The following TRAPPC12 variants were observed in gnomAD, a reference collection of about 807,000 sequenced individuals.
TRAPPC12 encodes TPR repeat protein 15.
A neutral mutation model predicts 69.2 loss-of-function variants in TRAPPC12; 61 were observed. The observed-to-expected ratio is 0.88, with a 90% CI of 0.72 to 1.09. The LOEUF is 1.09. Among genes scored for constraint, TRAPPC12 ranks in the 50% least tolerant of loss-of-function variants. The pLI, the probability that TRAPPC12 is intolerant of heterozygous loss-of-function variation, is 0.00. For synonymous variants in TRAPPC12, 469 were observed against 438.9 expected (o/e 1.07, Z -0.86); for missense variants, 1,101 against 1,016.4 (o/e 1.08, Z -1.13).
At position 3,443,783 on chromosome 2, in the gene TRAPPC12, C is replaced by T; in HGVS notation, c.1422C>T (p.Ser474=). ...YPHVYPGRRG[S]MVPFSMRILH... ...TCAGCACTGATTGGATTCCAGGCTCCATGGTCCCCTTCTCGATGCGCATCT... is the reference window on the plus strand; with the variant it reads ...TCAGCACTGATTGGATTCCAGGCTCTATGGTCCCCTTCTCGATGCGCATCT... The change falls in exon 6 of 12, where the codon TCC becomes TCT. Residue 474 remains serine, a synonymous_variant. Transcript: ENST00000324266. The T allele has an allele frequency of 6.2e-7, 1 of 1,613,988 alleles. No individual in the cohort carries two copies.
At chr2:3,383,965 G>A (rs182387158) in intron 1 of TRAPPC12, among the ~76,000 whole-genome samples, 88 of 133,252 alleles carry the variant, frequency 6.6e-4, no homozygotes, top group East Asian at 2.6e-3. Context: ...GTGCGATCTC[G>A]GCTCACTGCA....
rs1438239855 is a variant in TRAPPC12 at position 3,414,520 on chromosome 2, T to C, written c.1165-7361T>C. ...CTCTAGCTCCAGCTCCAGCTCAGCCTCACCCCCACCATCCCCCTGACCCCA... is the reference window on the plus strand; with the variant it reads ...CTCTAGCTCCAGCTCCAGCTCAGCCCCACCCCCACCATCCCCCTGACCCCA... On this transcript the variant is annotated intron_variant, in intron 3 of 11. Transcript: ENST00000324266. The surrounding 1 kb of genome is among the most constrained non-coding windows in gnomAD (Gnocchi z 4.9). Among the ~76,000 whole-genome samples, 2 of 151,812 alleles carry C rather than the reference T, an allele frequency of 1.3e-5. No individual in the cohort carries two copies. Among genetic ancestry groups the C allele is most frequent in the African/African-American group, 4.8e-5 (2 of 41,304 alleles).
At chr2:3,442,152 C>G (rs201174395) in intron 5 of TRAPPC12, among the ~76,000 whole-genome samples, 1 of 91,976 alleles carries the variant, frequency 1.1e-5, no homozygotes, top group East Asian at 4.8e-4. Flanking sequence ...CTAGTCTGTA[C>G]GTTGAGATCG....
intron 7 of TRAPPC12, chr2:3,457,927 G>GA: frequency 7.1e-7 from 1 of 1,402,144 alleles, no homozygotes; most frequent in South Asian, 1.6e-5. Context: ...GAGAAGACAC[G>GA]CCTTCACCAC....
intron 2 of TRAPPC12, among the ~76,000 whole-genome samples, chr2:3,399,085 C>T (rs985166121): frequency 3.3e-5 from 5 of 152,256 alleles, no homozygotes; most frequent in Non-Finnish European, 5.9e-5. Context: ...TGTCCTAAGA[C>T]GCTTGTCACA....
chr2:3,464,003 C>T (rs1305704993), intron 8 of TRAPPC12, among the ~76,000 whole-genome samples: 3 of 152,162 alleles, frequency 2.0e-5, no homozygotes, highest in Non-Finnish European at 4.4e-5. Flanking sequence ...AGATCAGGGC[C>T]AGCCCAGGGT....
Position 3,421,957 on chromosome 2 carries a change from G to A in TRAPPC12, c.1241G>A (p.Ser414Asn). The A allele has an allele frequency of 6.2e-7, 1 of 1,613,584 alleles. No individual in the cohort carries two copies. Among genetic ancestry groups the A allele is most frequent in the South Asian group, 1.1e-5 (1 of 91,028 alleles). Residue 414 changes from serine (S) to asparagine (N), a missense_variant, in exon 4 of 12, where the codon AGC becomes AAC. Transcript: ENST00000324266. Reference protein sequence around the residue: ...LTAHGQGYGKSGLLTSHTTDS... With the variant: ...LTAHGQGYGKNGLLTSHTTDS... ...GCCCACGGCCAGGGCTACGGCAAGA[G>A]CGGGCTGCTCACCAGCCACACGACA...
chr2:3,423,322 TTGTGTGTGTGTGTGTGTG>T (rs34767789), intron 4 of TRAPPC12, among the ~76,000 whole-genome samples: 3 of 149,082 alleles, frequency 2.0e-5, no homozygotes, highest in African/African-American at 7.4e-5. Flanking sequence ...TCGCATGCCT[TTGTGTGTGTGTGTGTGTG>T]TGTGTGTGTG....
At chr2:3,457,543 C>A in intron 6 of TRAPPC12, 78 bp from the exon 7 acceptor site, 1 of 1,178,808 alleles carries the variant, frequency 8.5e-7, no homozygotes, top group Non-Finnish European at 1.2e-6. Context: ...ATTTGCTGTA[C>A]TGAGATTATA....
In TRAPPC12 at chr2:3,441,421, A is replaced by G. The variant is rs137930258; in HGVS notation, c.1418-2358A>G. On this transcript the variant is annotated intron_variant, in intron 5 of 11. Transcript: ENST00000324266. ...CCTTTACTATTCTTTTACTGTTCAT[A>G]GGATCCATAGTAATAGTCCTTCACT... Among the ~76,000 whole-genome samples, 899 of 152,218 alleles carry G rather than the reference A, an allele frequency of 5.9e-3. 8 individuals carry two copies. The highest frequency in any genetic ancestry group is 0.013 in the South Asian group (63 of 4,830).
chr2:3,475,377 G>A (rs1236586110), intron 9 of TRAPPC12, among the ~76,000 whole-genome samples: 2 of 149,750 alleles, frequency 1.3e-5, no homozygotes, highest in Non-Finnish European at 3.0e-5. Context: ...CCTCCCAAAG[G>A]GCTGAGATTA....
In TRAPPC12 at chr2:3,414,707, C is replaced by T. The variant is rs1295860756; in HGVS notation, c.1165-7174C>T. On this transcript the variant is annotated intron_variant, in intron 3 of 11. Transcript: ENST00000324266. The surrounding 1 kb of genome is among the most constrained non-coding windows in gnomAD (Gnocchi z 4.9). ...TGCCGTGCCGCTTGTGCCTCTGCCC[C>T]GCGAGGGACACCATTCCCCGTCGTT... Among the ~76,000 whole-genome samples the T allele has an allele frequency of 1.3e-5, 2 of 152,144 alleles. No individual in the cohort carries two copies. Among genetic ancestry groups the T allele is most frequent in the African/African-American group, 4.8e-5 (2 of 41,426 alleles).
intron 3 of TRAPPC12, among the ~76,000 whole-genome samples, chr2:3,410,016 A>T (rs1661968187): frequency 1.3e-5 from 2 of 152,148 alleles, no homozygotes; most frequent in African/African-American, 4.8e-5. Flanking sequence ...TGGGAGATGC[A>T]GGTGGAAAGG....
chr2:3,381,688 G>A (rs1280320550), intron 1 of TRAPPC12, among the ~76,000 whole-genome samples: 1 of 152,208 alleles, frequency 6.6e-6, no homozygotes, highest in Non-Finnish European at 1.5e-5. Context: ...ACACATGTGA[G>A]ATTTAAAGAT....
chr2:3,456,948 TA>T (rs1665186191), intron 6 of TRAPPC12: 1 of 370,804 alleles, frequency 2.7e-6, no homozygotes. Flanking sequence ...TGTCTGCAGA[TA>T]CTTCAAGAAC....
chr2:3,472,560 C>T (rs560948880), intron 9 of TRAPPC12: 1 of 152,050 alleles, frequency 6.6e-6, no homozygotes, highest in East Asian at 1.9e-4. Flanking sequence ...GAGGCCTCAT[C>T]ATGCTGATGT....
chr2:3,380,432 G>A (rs371037863), intron 1 of TRAPPC12, among the ~76,000 whole-genome samples: 3 of 152,348 alleles, frequency 2.0e-5, no homozygotes, highest in South Asian at 4.1e-4. Flanking sequence ...GACCGAAAAA[G>A]CGTTTATTCA....
Position 3,424,629 on chromosome 2 carries a change from C to T in TRAPPC12, c.1383C>T (p.Tyr461=), listed in dbSNP as rs200203888. The T allele has an allele frequency of 7.0e-4, 1,125 of 1,613,816 alleles. 17 individuals are homozygous for T. In the South Asian group the frequency reaches 0.012, roughly 17 times the overall value. The change falls in exon 5 of 12, where the codon TAC becomes TAT. Residue 461 remains tyrosine (Y), a synonymous_variant. Coordinates refer to ENST00000324266, the MANE Select transcript of TRAPPC12 (RefSeq NM_016030.6). ...ATCTTGATCAGCCAGATCTTTATTA[C>T]GAGTACTACCCGCACGTGTACCCTG... The part of the protein sequence containing the change: ...FGNLDQPDLY[Y]EYYPHVYPGR...
Position 3,479,514 on chromosome 2 carries a change from G to A in TRAPPC12, c.*53G>A. ...ACCCGGGTCTTTGAAACTGTGTCTT[G>A]AAGCTAATGTATTAATGTGACATGG... On this transcript the variant is annotated 3_prime_UTR_variant, in exon 12 of 12. Coordinates refer to ENST00000324266, the MANE Select transcript of TRAPPC12 (RefSeq NM_016030.6). The A allele has an allele frequency of 6.3e-7, 1 of 1,595,398 alleles. No individual in the cohort carries two copies. Among genetic ancestry groups the A allele is most frequent in the Non-Finnish European group, 8.5e-7 (1 of 1,170,314 alleles).
Sources: gnomAD v4.1 joint callset for allele counts (sites outside exome capture counted in the v4.1 genomes callset) on GRCh38, gnomAD v4.1.1 for gene constraint, Gnocchi (gnomAD v3.1) non-coding constraint, MANE v1.5 for transcripts, NCBI Gene and HGNC (gene_info 2026-07-23, HGNC 2026-07-21) for gene names.